The following PABPC4L variants were observed in gnomAD, a reference collection of about 807,000 sequenced individuals.
PABPC4L encodes poly(A) binding protein cytoplasmic 4 like.
For missense variants in PABPC4L, 452 were observed against 451.4 expected (o/e 1.00, Z -0.01); for synonymous variants, 169 against 164.1 (o/e 1.03, Z -0.23).
At chr4:133,960,008 T>C in the PABPC4L span, among the ~76,000 whole-genome samples, 3 of 152,246 alleles carry the variant, frequency 2.0e-5, no homozygotes, top group Non-Finnish European at 4.4e-5. Flanking sequence ...TATGTATTAC[T>C]ATATCCAGAT....
downstream of PABPC4L, among the ~76,000 whole-genome samples, chr4:134,194,291 T>C (rs1729595254): frequency 6.6e-6 from 1 of 151,752 alleles, no homozygotes; most frequent in Non-Finnish European, 1.5e-5. Context: ...AGGGAGAGTA[T>C]TCTAGGCACT....
At chr4:134,158,916 T>G in the PABPC4L span, among the ~76,000 whole-genome samples, 2 of 152,180 alleles carry the variant, frequency 1.3e-5, no homozygotes, top group African/African-American at 4.8e-5. Context: ...TAGCCTAAAA[T>G]CTGCGTAGCA....
At chr4:134,006,339 A>C in the PABPC4L span, among the ~76,000 whole-genome samples, 1 of 151,936 alleles carries the variant, frequency 6.6e-6, no homozygotes, top group Non-Finnish European at 1.5e-5. Flanking sequence ...AAGGGAACAA[A>C]AATAATGCTT....
the PABPC4L span, among the ~76,000 whole-genome samples, chr4:134,099,261 T>G: frequency 6.6e-6 from 1 of 151,724 alleles, no homozygotes; most frequent in Admixed American, 6.6e-5. Flanking sequence ...TATCTTTTTC[T>G]AAAACAAATA....
At chr4:134,141,957 T>C in the PABPC4L span, among the ~76,000 whole-genome samples, 1 of 151,758 alleles carries the variant, frequency 6.6e-6, no homozygotes, top group African/African-American at 2.4e-5. Context: ...ACTGTCTGGC[T>C]TATCTGTCTT....
At chr4:133,963,673 C>G in the PABPC4L span, among the ~76,000 whole-genome samples, 3 of 151,908 alleles carry the variant, frequency 2.0e-5, no homozygotes, top group Admixed American at 1.3e-4. Flanking sequence ...AAACTGAAAA[C>G]CAACTTCAAA....
chr4:134,060,458 A>G, the PABPC4L span, among the ~76,000 whole-genome samples: 1 of 151,398 alleles, frequency 6.6e-6, no homozygotes, highest in Non-Finnish European at 1.5e-5. Context: ...TGAGGAGAGG[A>G]AAAGAAAGAG....
the PABPC4L span, among the ~76,000 whole-genome samples, chr4:134,025,786 A>G: frequency 8.3e-4 from 126 of 152,236 alleles, no homozygotes; most frequent in Non-Finnish European, 9.6e-4. Context: ...TCTAAATATT[A>G]TTACATTATG....
At chr4:134,179,955 A>T in the PABPC4L span, among the ~76,000 whole-genome samples, 1 of 152,102 alleles carries the variant, frequency 6.6e-6, no homozygotes, top group African/African-American at 2.4e-5. Context: ...TTAACACATT[A>T]TTGACAGGAT....
chr4:133,962,662 A>T, the PABPC4L span, among the ~76,000 whole-genome samples: 1 of 152,166 alleles, frequency 6.6e-6, no homozygotes, highest in African/African-American at 2.4e-5. Context: ...TTCTAGCTTG[A>T]AGGGATTGGG....
chr4:134,155,705 T>A, the PABPC4L span, among the ~76,000 whole-genome samples: 1 of 152,044 alleles, frequency 6.6e-6, no homozygotes, highest in African/African-American at 2.4e-5. Flanking sequence ...ATAGTACTAG[T>A]AGCTGTCTTC....
rs1466476188 is a variant in PABPC4L, at chr4:134,197,965, T to C, written c.*1942A>G. ...ACTTCTAAACATTTTCTTAAGAAAA[T>C]AGATATATTTGCATATATAAGTTCG... On this transcript the variant is annotated 3_prime_UTR_variant, in exon 2 of 2. Coordinates refer to ENST00000421491, the MANE Select transcript of PABPC4L (RefSeq NM_001114734.2). The C allele has an allele frequency of 1.3e-5, 2 of 151,904 alleles. No homozygotes were observed. Among genetic ancestry groups the C allele is most frequent in the East Asian group, 1.9e-4 (1 of 5,170 alleles). 9.4% of individuals were successfully genotyped at this position (151,904 alleles called of 1,614,324 possible). A position where few individuals can be genotyped will look rare whatever the true frequency, so the allele number is the denominator to read the frequency against.
At chr4:133,982,684 C>G in the PABPC4L span, among the ~76,000 whole-genome samples, 1 of 151,892 alleles carries the variant, frequency 6.6e-6, no homozygotes, top group Non-Finnish European at 1.5e-5. Flanking sequence ...CTTTATTTCC[C>G]CTCATCAATC....
the PABPC4L span, among the ~76,000 whole-genome samples, chr4:134,140,020 AATAG>A: frequency 6.6e-6 from 1 of 152,000 alleles, no homozygotes; most frequent in South Asian, 2.1e-4. Flanking sequence ...TTTAAAATGA[AATAG>A]ATAATTTTAG....
chr4:134,185,941 TAC>T, the PABPC4L span, among the ~76,000 whole-genome samples: 1 of 152,086 alleles, frequency 6.6e-6, no homozygotes, highest in Non-Finnish European at 1.5e-5. Flanking sequence ...TCACAATTGC[TAC>T]AAAGACAATA....
At chr4:134,136,500 T>C in the PABPC4L span, among the ~76,000 whole-genome samples, 1 of 152,058 alleles carries the variant, frequency 6.6e-6, no homozygotes, top group Admixed American at 6.6e-5. Flanking sequence ...TTTTTCTTTC[T>C]CCAATCTCAA....
At chr4:134,063,510 T>A in the PABPC4L span, among the ~76,000 whole-genome samples, 1 of 151,956 alleles carries the variant, frequency 6.6e-6, no homozygotes. Flanking sequence ...AAAAATAGTA[T>A]AAAGACAATT....
chr4:134,111,610 T>C, the PABPC4L span, among the ~76,000 whole-genome samples: 1 of 151,898 alleles, frequency 6.6e-6, no homozygotes, highest in African/African-American at 2.4e-5. Flanking sequence ...AATCAAAGTG[T>C]GGAAGGGATC....
Position 134,200,769 on chromosome 4 carries a change from A to G in PABPC4L, c.251T>C (p.Met84Thr), listed in dbSNP as rs1729838838. The change falls in exon 2 of 2, where the codon ATG (methionine) becomes ACG (threonine). Residue 84 changes from methionine to threonine, a missense_variant. Coordinates refer to ENST00000421491, the MANE Select transcript of PABPC4L (RefSeq NM_001114734.2). The stretch of plus-strand genomic sequence containing the variant: ...CAAGTAGGCATCGCGCTGAGACCAC[A>G]TGAGACGGATGGATTTGCCTTTTAT... ...DIIKGKSIRL[M>T]WSQRDAYLRR... 6.4e-6 allele frequency: 10 copies of G among 1,551,758 alleles called. No individual in the cohort carries two copies. The highest frequency in any genetic ancestry group is 7.8e-6 in the Non-Finnish European group (9 of 1,147,010).
Sources: gnomAD v4.1 joint callset for allele counts (sites outside exome capture counted in the v4.1 genomes callset) on GRCh38, gnomAD v4.1.1 for gene constraint, MANE v1.5 for transcripts, NCBI Gene and HGNC (gene_info 2026-07-23, HGNC 2026-07-21) for gene names.